CELF2: variants seen among roughly 807,000 people sequenced by gnomAD.
CELF2 encodes CUG triplet repeat RNA-binding protein 2.
Under a neutral mutation model 62.6 loss-of-function variants are expected in CELF2, and 8 were observed. The ratio of observed to expected loss-of-function variants is 0.13; its 90% CI spans 0.07 to 0.23. The LOEUF (loss-of-function observed/expected upper bound fraction) is 0.23. CELF2 is among the 10% of genes least tolerant of loss of function. The pLI, the probability that CELF2 is intolerant of heterozygous loss-of-function variation, is 1.00. For missense variants in CELF2, 333 were observed against 671.0 expected (o/e 0.50, Z 5.56); for synonymous variants, 258 against 250.0 (o/e 1.03, Z -0.30).
chr10:10,640,162 T>C, the CELF2 span, among the ~76,000 whole-genome samples: 1 of 152,262 alleles, frequency 6.6e-6, no homozygotes, highest in Non-Finnish European at 1.5e-5. Context: ...TGTATATATC[T>C]GTCTCACCAG....
At chr10:10,762,818 G>C in the CELF2 span, among the ~76,000 whole-genome samples, 12 of 152,172 alleles carry the variant, frequency 7.9e-5, no homozygotes, top group Admixed American at 7.9e-4. Flanking sequence ...AAGGCAGGGG[G>C]ACCACTTGAG....
At chr10:11,190,257 A>G (rs1028820668) in intron 2 of CELF2, among the ~76,000 whole-genome samples, 9 of 152,222 alleles carry the variant, frequency 5.9e-5, no homozygotes, top group African/African-American at 1.9e-4. Context: ...ATACATGCCC[A>G]TTCAGTACAC....
the CELF2 span, among the ~76,000 whole-genome samples, chr10:10,650,468 T>C: frequency 6.6e-6 from 1 of 152,230 alleles, no homozygotes; most frequent in Non-Finnish European, 1.5e-5. Flanking sequence ...AAATTCCAAT[T>C]CTAATTCTAC....
At chr10:11,074,414 C>T (rs2071210415) in intron 1 of CELF2, among the ~76,000 whole-genome samples, 1 of 152,166 alleles carries the variant, frequency 6.6e-6, no homozygotes, top group South Asian at 2.1e-4. Context: ...AATATGTCAG[C>T]TTATCCTAAA....
intron 1 of CELF2, among the ~76,000 whole-genome samples, chr10:11,059,953 G>A (rs749967602): frequency 7.9e-5 from 12 of 152,318 alleles, no homozygotes; most frequent in East Asian, 1.9e-4. Context: ...CTCAAAAGCC[G>A]TTGAATTGGT....
At chr10:10,478,511 T>G in the CELF2 span, among the ~76,000 whole-genome samples, 2 of 152,184 alleles carry the variant, frequency 1.3e-5, no homozygotes, top group East Asian at 3.9e-4. Context: ...AAAAAATCAG[T>G]AATACACGAT....
rs2082612751 is a variant in CELF2 at position 11,267,903 on chromosome 10, C to T, written c.618+1226C>T. 6.6e-6 allele frequency among the ~76,000 whole-genome samples: 1 copy of T among 152,156 alleles called. No individual in the cohort carries two copies. Among genetic ancestry groups the T allele is most frequent in the African/African-American group, 2.4e-5 (1 of 41,422 alleles). Reference sequence around the variant, plus strand: ...TGCAAAGCCTATTGTCTTTTTCGAACATTGATCTTGACTTTGATATTCCTA... The same window carrying T: ...TGCAAAGCCTATTGTCTTTTTCGAATATTGATCTTGACTTTGATATTCCTA... On this transcript the variant is annotated intron_variant, in intron 6 of 12. Coordinates refer to ENST00000633077, the MANE Select transcript of CELF2 (RefSeq NM_001326342.2). The surrounding 1 kb of genome is among the most constrained non-coding windows in gnomAD (Gnocchi z 4.4).
rs149698632 is a variant in CELF2, at chr10:11,227,838, T to C, written c.354+10331T>C. ...GAGCAAAGGATAGGCTCCTGCAAAC[T>C]CATCTCCTCTCCTGGAGGCTTAACT... On this transcript the variant is annotated intron_variant, in intron 3 of 12. Transcript: ENST00000633077. This position sits in a 1 kb window ranked among gnomAD's most constrained non-coding sequence, Gnocchi z 4.8. Among the ~76,000 whole-genome samples, 705 of 152,256 alleles carry C rather than the reference T, an allele frequency of 4.6e-3. 2 individuals carry two copies. Among genetic ancestry groups the C allele is most frequent in the Middle Eastern group, 0.014 (4 of 294 alleles).
the CELF2 span, among the ~76,000 whole-genome samples, chr10:10,554,968 C>T: frequency 0.022 from 3,386 of 152,034 alleles, 139 homozygotes; most frequent in African/African-American, 0.077. Context: ...GTATTTGGTA[C>T]AGGAAAAGAA....
rs993429147 is a variant in CELF2, at chr10:11,306,757, C to T, written c.977-7382C>T. On this transcript the variant is annotated intron_variant, in intron 9 of 12. Transcript: ENST00000633077. The surrounding 1 kb of genome is among the most constrained non-coding windows in gnomAD (Gnocchi z 4.4). ...TGATTCTTCTCCCTCCTTTTCTTCA[C>T]CGTCTCCCCAACTTTCTACTGGGAC... Among the ~76,000 whole-genome samples the T allele has an allele frequency of 2.0e-5, 3 of 152,244 alleles. No homozygotes were observed. Among genetic ancestry groups the T allele is most frequent in the Admixed American group, 2.0e-4 (3 of 15,302 alleles).
chr10:11,174,845 A>T (rs2070420687), intron 2 of CELF2, among the ~76,000 whole-genome samples: 1 of 152,200 alleles, frequency 6.6e-6, no homozygotes, highest in South Asian at 2.1e-4. Flanking sequence ...CTATAGTTTA[A>T]TGGGAACTGC....
At chr10:10,560,374 C>A in the CELF2 span, among the ~76,000 whole-genome samples, 1 of 152,104 alleles carries the variant, frequency 6.6e-6, no homozygotes, top group Admixed American at 6.5e-5. Context: ...ATATAATGAA[C>A]TATTACTAAC....
At chr10:10,535,634 G>C in the CELF2 span, among the ~76,000 whole-genome samples, 1 of 152,130 alleles carries the variant, frequency 6.6e-6, no homozygotes, top group Non-Finnish European at 1.5e-5. Context: ...GCCGAGAATC[G>C]CTTGAACCCT....
the CELF2 span, among the ~76,000 whole-genome samples, chr10:10,528,330 A>C: frequency 2.0e-5 from 3 of 152,160 alleles, no homozygotes; most frequent in East Asian, 5.8e-4. Context: ...GAGAAAGGGG[A>C]TCCTGGAGCT....
At chr10:10,903,251 G>T (rs1007174562) in intron 1 of CELF2, among the ~76,000 whole-genome samples, 4 of 152,084 alleles carry the variant, frequency 2.6e-5, no homozygotes, top group Non-Finnish European at 5.9e-5. Flanking sequence ...GGACATGAGG[G>T]TTCTACCAGT....
the CELF2 span, among the ~76,000 whole-genome samples, chr10:10,648,065 C>T: frequency 2.0e-5 from 3 of 152,298 alleles, no homozygotes; most frequent in South Asian, 4.1e-4. Flanking sequence ...CAAGAAATTT[C>T]CAGTTGTGCT....
chr10:10,632,786 C>T, the CELF2 span, among the ~76,000 whole-genome samples: 2 of 152,228 alleles, frequency 1.3e-5, no homozygotes, highest in South Asian at 4.1e-4. Flanking sequence ...ACCTAGTATT[C>T]CAATTCCTAT....
the CELF2 span, among the ~76,000 whole-genome samples, chr10:10,677,689 A>T: frequency 1.3e-4 from 20 of 152,268 alleles, no homozygotes; most frequent in African/African-American, 4.3e-4. Flanking sequence ...TGTTCTCTAC[A>T]ACTGTGCTCT....
At chr10:10,493,125 T>C in the CELF2 span, among the ~76,000 whole-genome samples, 1 of 152,200 alleles carries the variant, frequency 6.6e-6, no homozygotes, top group Non-Finnish European at 1.5e-5. Flanking sequence ...CTGACACATG[T>C]TACAACATGG....
Sources: gnomAD v4.1 joint callset for allele counts (sites outside exome capture counted in the v4.1 genomes callset) on GRCh38, gnomAD v4.1.1 for gene constraint, Gnocchi (gnomAD v3.1) non-coding constraint, MANE v1.5 for transcripts, NCBI Gene and HGNC (gene_info 2026-07-23, HGNC 2026-07-21) for gene names.